The following PARM1 variants were observed in gnomAD, a reference collection of about 807,000 sequenced individuals.
The protein encoded by PARM1 is prostate androgen-regulated mucin-like protein 1, also known as WSC4, cell wall integrity and stress response component 4 homolog.
PARM1 carries 14 observed loss-of-function variants against 24.6 expected under a neutral mutation model. The ratio of observed to expected loss-of-function variants is 0.57; its 90% CI spans 0.38 to 0.89. PARM1 has a LOEUF of 0.89. PARM1 is among the 40% of genes least tolerant of loss of function. The pLI is 0.00. For synonymous variants in PARM1, 179 were observed against 156.6 expected, an observed-to-expected ratio of 1.14 and a Z score of -1.07; for missense variants, 362 against 380.4, an observed-to-expected ratio of 0.95 and a Z score of 0.40.
intron 1 of PARM1, among the ~76,000 whole-genome samples, chr4:74,997,444 C>T (rs926425416): frequency 1.3e-5 from 2 of 152,142 alleles, no homozygotes; most frequent in African/African-American, 4.8e-5. Flanking sequence ...TAGGATCCTC[C>T]TTCAAAAAGA....
chr4:74,989,305 C>T (rs1452791532), intron 1 of PARM1, among the ~76,000 whole-genome samples: 1 of 152,214 alleles, frequency 6.6e-6, no homozygotes, highest in African/African-American at 2.4e-5. Context: ...GCTATTTATA[C>T]TTCTGACCCA....
At chr4:74,984,095 G>A (rs1243209682) in intron 1 of PARM1, among the ~76,000 whole-genome samples, 1 of 152,156 alleles carries the variant, frequency 6.6e-6, no homozygotes, top group Non-Finnish European at 1.5e-5. Flanking sequence ...CTCAGAGGGT[G>A]TCTGGACCAT....
At chr4:74,973,861 T>C (rs1342671053) in intron 1 of PARM1, among the ~76,000 whole-genome samples, 2 of 151,892 alleles carry the variant, frequency 1.3e-5, no homozygotes, top group Non-Finnish European at 2.9e-5. Flanking sequence ...TGTATGTGTG[T>C]GTGTGTGTGT....
chr4:75,004,103 T>G (rs1486332233), intron 1 of PARM1, among the ~76,000 whole-genome samples: 2 of 152,218 alleles, frequency 1.3e-5, no homozygotes, highest in South Asian at 4.1e-4. Context: ...AATTTTGTGT[T>G]AACAGGTCAT....
At chr4:74,980,785 G>A (rs1257539612) in intron 1 of PARM1, among the ~76,000 whole-genome samples, 1 of 152,018 alleles carries the variant, frequency 6.6e-6, no homozygotes, top group Non-Finnish European at 1.5e-5. Flanking sequence ...ATAGACCAAT[G>A]GAACAAAATA....
At chr4:75,033,537 C>T (rs969622940) in intron 2 of PARM1, among the ~76,000 whole-genome samples, 2 of 152,140 alleles carry the variant, frequency 1.3e-5, no homozygotes, top group South Asian at 2.1e-4. Flanking sequence ...AAACCCACTA[C>T]CCCTGCAAAC....
intron 1 of PARM1, among the ~76,000 whole-genome samples, chr4:74,991,168 T>C (rs1344233302): frequency 6.6e-6 from 1 of 152,162 alleles, no homozygotes; most frequent in Admixed American, 6.6e-5. Flanking sequence ...CTAAATTGTG[T>C]CACAGGTTAT....
At chr4:74,961,462 C>G (rs749089279) in intron 1 of PARM1, among the ~76,000 whole-genome samples, 6 of 152,118 alleles carry the variant, frequency 3.9e-5, no homozygotes, top group Non-Finnish European at 5.9e-5. Flanking sequence ...AGAAGCTCAA[C>G]AAACTGTAAC....
chr4:74,942,931 G>T (rs1721340092), intron 1 of PARM1, among the ~76,000 whole-genome samples: 1 of 152,038 alleles, frequency 6.6e-6, no homozygotes, highest in Non-Finnish European at 1.5e-5. Flanking sequence ...CGTGAGCTGG[G>T]GCCTCGTTGG....
chr4:74,959,838 T>C (rs781779052), intron 1 of PARM1, among the ~76,000 whole-genome samples: 1 of 152,210 alleles, frequency 6.6e-6, no homozygotes, highest in Non-Finnish European at 1.5e-5. Context: ...TTAAGAAGGA[T>C]TGATCAGAGC....
chr4:75,008,478 C>T (rs556470346), intron 1 of PARM1, among the ~76,000 whole-genome samples: 29 of 152,334 alleles, frequency 1.9e-4, no homozygotes, highest in African/African-American at 5.5e-4. Context: ...CCACTGGAAA[C>T]GACAATGCAA....
At chr4:75,045,807 A>G (rs975266810) in intron 3 of PARM1, among the ~76,000 whole-genome samples, 1 of 152,206 alleles carries the variant, frequency 6.6e-6, no homozygotes, top group Non-Finnish European at 1.5e-5. Flanking sequence ...TAAGCCCAGA[A>G]CCTAAGTCAG....
intron 2 of PARM1, among the ~76,000 whole-genome samples, chr4:75,015,697 G>T (rs1230650230): frequency 2.0e-5 from 3 of 152,188 alleles, no homozygotes; most frequent in Admixed American, 2.0e-4. Flanking sequence ...GATAGAACCT[G>T]TTCACTTCAA....
intron 2 of PARM1, among the ~76,000 whole-genome samples, chr4:75,030,013 A>T (rs1481468570): frequency 6.6e-6 from 1 of 152,236 alleles, no homozygotes; most frequent in African/African-American, 2.4e-5. Flanking sequence ...AAATGGGAAG[A>T]GATGCAAGAT....
intron 2 of PARM1, among the ~76,000 whole-genome samples, chr4:75,019,928 A>T (rs542652010): frequency 3.4e-4 from 50 of 144,990 alleles, no homozygotes; most frequent in Non-Finnish European, 5.7e-4. Flanking sequence ...GCGTGAACCC[A>T]GGAAGCGGAG....
chr4:74,935,339 A>G (rs186718641), intron 1 of PARM1, among the ~76,000 whole-genome samples: 2 of 152,300 alleles, frequency 1.3e-5, no homozygotes, highest in South Asian at 2.1e-4. Flanking sequence ...TTGTTGTTAG[A>G]GCTACTTTGC....
chr4:75,002,056 G>T (rs1009434881), intron 1 of PARM1, among the ~76,000 whole-genome samples: 1 of 152,206 alleles, frequency 6.6e-6, no homozygotes, highest in African/African-American at 2.4e-5. Flanking sequence ...CCTTTCAAAG[G>T]CAAAGTGCCA....
intron 1 of PARM1, among the ~76,000 whole-genome samples, chr4:75,005,782 CA>C (rs1281127869): frequency 6.6e-6 from 1 of 152,212 alleles, no homozygotes; most frequent in Admixed American, 6.5e-5. Context: ...GCTATTCTTG[CA>C]GCAAAAAAGC....
At chr4:75,023,941 C>G (rs1046576166) in intron 2 of PARM1, among the ~76,000 whole-genome samples, 1 of 152,122 alleles carries the variant, frequency 6.6e-6, no homozygotes, top group African/African-American at 2.4e-5. Flanking sequence ...ATTCCTGAGT[C>G]TGGGGGAAAT....
Sources: gnomAD v4.1 joint callset for allele counts (sites outside exome capture counted in the v4.1 genomes callset) on GRCh38, gnomAD v4.1.1 for gene constraint, MANE v1.5 for transcripts, NCBI Gene and HGNC (gene_info 2026-07-23, HGNC 2026-07-21) for gene names.